The following RELN variants were observed in gnomAD, a reference collection of about 807,000 sequenced individuals.
RELN encodes the protein reelin.
A neutral mutation model predicts 427.6 loss-of-function variants in RELN; 108 were observed. That is an observed-to-expected ratio of 0.25 (90% CI 0.22 to 0.30). The LOEUF is 0.30. Among genes scored for constraint, RELN ranks in the 10% least tolerant of loss-of-function variants. The probability of loss-of-function intolerance (pLI) is 1.00; values close to 1 mark genes in which losing one functional copy is unlikely to be tolerated. For synonymous variants in RELN, 1,524 were observed against 1,513.4 expected (o/e 1.01, Z -0.16); for missense variants, 3,715 against 4,302.8 (o/e 0.86, Z 3.82).
At chr7:103,739,512 T>G (rs977576267) in intron 6 of RELN, among the ~76,000 whole-genome samples, 2 of 152,200 alleles carry the variant, frequency 1.3e-5, no homozygotes, top group African/African-American at 2.4e-5. Flanking sequence ...ATTTGTGCTC[T>G]CCCTCACCCT....
chr7:103,920,050 C>T (rs1320643096), intron 1 of RELN, among the ~76,000 whole-genome samples: 2 of 152,112 alleles, frequency 1.3e-5, no homozygotes, highest in African/African-American at 4.8e-5. Flanking sequence ...ATAGGATTAT[C>T]CATGTGTGTA....
At position 103,611,539 on chromosome 7, in the gene RELN, T is replaced by TTG. The variant is rs72066730; in HGVS notation, c.2895+71_2895+72insCA. ...AACCTAAACTTCTAGAACTGTAATTTTTTTTTTTTTTGGCTTCCTAGGTAA... is the reference window on the plus strand; with the variant it reads ...AACCTAAACTTCTAGAACTGTAATTTTGTTTTTTTTTTTGGCTTCCTAGGTAA... On this transcript the variant is annotated intron_variant, in intron 21 of 64. Transcript: ENST00000428762. The TTG allele has an allele frequency of 2.7e-4, 314 of 1,182,070 alleles. 1 individual carries two copies. The East Asian group carries it at 7.1e-3, about 27-fold the overall frequency. The allele number at this position is 1,182,070 out of a possible 1,614,324, so 73.2% of individuals were successfully genotyped here. A position where few individuals can be genotyped will look rare whatever the true frequency, so the allele number is the denominator to read the frequency against.
rs139383827 is a variant in RELN, at chr7:103,977,518, G to C, written c.226+11613C>G. On this transcript the variant is annotated intron_variant, in intron 1 of 64. Transcript: ENST00000428762. ...CTAGATCTATATGTACAATAAGAAC[G>C]CAATTCCACCCTACCCCTGCTAGGC... 7.9e-5 allele frequency among the ~76,000 whole-genome samples: 12 copies of C among 152,040 alleles called. No homozygotes were observed. In the East Asian group the frequency reaches 1.6e-3, roughly 20 times the overall value.
In RELN at chr7:103,661,501, C is replaced by T. The variant is rs1399129256; in HGVS notation, c.1316G>A (p.Gly439Asp). The change falls in exon 12 of 65, where the codon GGT (glycine) becomes GAT (aspartate). Residue 439 changes from glycine (G) to aspartate (D), a missense_variant. Transcript: ENST00000428762. The part of the protein sequence containing the change: ...TGWDVLGAVI[G>D]TECGTIESGL... ...TGATTCTATCGTTCCACATTCTGTA[C>T]CAATGACAGCTCCCAAGACATCCCA... is the stretch of plus-strand genomic sequence containing the variant. The T allele has an allele frequency of 6.2e-7, 1 of 1,613,528 alleles. No homozygotes were observed. The highest frequency in any genetic ancestry group is 1.1e-5 in the South Asian group (1 of 91,062).
chr7:103,528,648 C>G (rs1275676509), intron 46 of RELN, among the ~76,000 whole-genome samples: 3 of 152,004 alleles, frequency 2.0e-5, no homozygotes. Flanking sequence ...TATGCCTCAG[C>G]CTCCCAAGTA....
intron 63 of RELN, among the ~76,000 whole-genome samples, chr7:103,480,066 G>A (rs997779143): frequency 1.3e-5 from 2 of 152,118 alleles, no homozygotes; most frequent in Non-Finnish European, 1.5e-5. Flanking sequence ...ATACAGTTAC[G>A]TAGGGTTTGT....
At chr7:103,936,723 C>CACAG (rs529176445) in intron 1 of RELN, among the ~76,000 whole-genome samples, 10 of 127,132 alleles carry the variant, frequency 7.9e-5, no homozygotes, top group South Asian at 2.9e-4. Flanking sequence ...CACACACACA[C>CACAG]ACAGACAGAC....
At chr7:103,695,946 C>G (rs1164639389) in intron 10 of RELN, among the ~76,000 whole-genome samples, 4 of 152,088 alleles carry the variant, frequency 2.6e-5, no homozygotes, top group African/African-American at 9.7e-5. Context: ...GATGCCTGTT[C>G]CTAATGTCAA....
Position 103,869,387 on chromosome 7 carries a change from CCTA to C in RELN, c.338-35718_338-35716del, listed in dbSNP as rs963309496. 1.4e-4 allele frequency among the ~76,000 whole-genome samples: 22 copies of C among 152,130 alleles called. No homozygotes were observed. In the South Asian group the frequency reaches 2.5e-3, roughly 17 times the overall value. ...TACTTCATATAGATCTAGAATTTCA[CCTA>C]CTATTATCTCCCTTTATCTAAAAGA... On this transcript the variant is annotated intron_variant, in intron 2 of 64. Transcript: ENST00000428762.
intron 6 of RELN, among the ~76,000 whole-genome samples, chr7:103,728,675 TAA>T (rs750149272): frequency 3.3e-5 from 5 of 152,176 alleles, no homozygotes; most frequent in Non-Finnish European, 5.9e-5. Flanking sequence ...GCCACTTACA[TAA>T]AAACTTGTAT....
At chr7:103,872,664 G>GT (rs1208873913) in intron 2 of RELN, among the ~76,000 whole-genome samples, 2 of 143,392 alleles carry the variant, frequency 1.4e-5, no homozygotes, top group Admixed American at 7.0e-5. Context: ...GGTTGAACTA[G>GT]TTTACAGTCC....
At chr7:103,839,476 A>C (rs1200879242) in intron 2 of RELN, among the ~76,000 whole-genome samples, 1 of 152,138 alleles carries the variant, frequency 6.6e-6, no homozygotes, top group East Asian at 1.9e-4. Flanking sequence ...CCTGTTTTGC[A>C]ACAGACACTG....
intron 10 of RELN, among the ~76,000 whole-genome samples, chr7:103,689,585 G>A (rs147665848): frequency 2.3e-4 from 35 of 152,126 alleles, no homozygotes; most frequent in African/African-American, 8.2e-4. Flanking sequence ...CACCAAAGAC[G>A]AGCGTAAACA....
Position 103,792,019 on chromosome 7 carries a change from T to C in RELN, c.474-15392A>G, listed in dbSNP as rs150360839. 1.3e-3 allele frequency among the ~76,000 whole-genome samples: 205 copies of C among 152,254 alleles called. 1 individual carries two copies. Among genetic ancestry groups the C allele is most frequent in the African/African-American group, 4.8e-3 (198 of 41,566 alleles). ...ATTAGGGAAATGCAATGAAATGAAA[T>C]ACCATTCTACTCCCACAAGATAGAA... is the stretch of plus-strand genomic sequence containing the variant. On this transcript the variant is annotated intron_variant, in intron 3 of 64. Transcript: ENST00000428762.
chr7:103,938,460 T>C (rs1332505057), intron 1 of RELN, among the ~76,000 whole-genome samples: 1 of 152,188 alleles, frequency 6.6e-6, no homozygotes, highest in East Asian at 1.9e-4. Context: ...TTGATATAAT[T>C]TTTATTTTAA....
In RELN at chr7:103,544,220, C is replaced by CTTTT. The variant is rs71154356; in HGVS notation, c.6523+900_6523+903dup. 1.5e-4 allele frequency among the ~76,000 whole-genome samples: 11 copies of CTTTT among 71,222 alleles called. 1 individual carries two copies. The highest frequency in any genetic ancestry group is 6.1e-4 in the East Asian group (1 of 1,634). The allele number at this position is 71,222 out of a possible 152,430, so 46.7% of individuals were successfully genotyped here. On this transcript the variant is annotated intron_variant, in intron 42 of 64. Transcript: ENST00000428762. ...AAAACTGAGCAAAAAGAAAGAAAATCTTTTTTTTTTTTTTTTTTTTTTTTT... is the reference window on the plus strand; with the variant it reads ...AAAACTGAGCAAAAAGAAAGAAAATCTTTTTTTTTTTTTTTTTTTTTTTTTTTTT...
chr7:103,583,008 T>C (rs1385910508), intron 28 of RELN, among the ~76,000 whole-genome samples: 1 of 152,218 alleles, frequency 6.6e-6, no homozygotes, highest in Non-Finnish European at 1.5e-5. Flanking sequence ...GATGGCAAAG[T>C]GTACATGGGC....
chr7:103,894,033 A>C (rs1208776537), intron 2 of RELN, among the ~76,000 whole-genome samples: 2 of 152,182 alleles, frequency 1.3e-5, no homozygotes, highest in African/African-American at 4.8e-5. Flanking sequence ...TTCCTATTTC[A>C]ATAACTTCTA....
At chr7:103,962,389 C>A (rs1353629707) in intron 1 of RELN, among the ~76,000 whole-genome samples, 4 of 152,138 alleles carry the variant, frequency 2.6e-5, no homozygotes, top group Admixed American at 1.3e-4. Context: ...CCATCTTTCT[C>A]TGTGGCCTTC....
Sources: allele counts gnomAD v4.1 joint callset (sites outside exome capture counted in the v4.1 genomes callset), GRCh38; gene constraint gnomAD v4.1.1; transcripts MANE v1.5; gene names NCBI Gene and HGNC (gene_info 2026-07-23, HGNC 2026-07-21).